Variants in TACR3 observed in about 807,000 individuals in gnomAD.
TACR3 encodes the protein neuromedin-K receptor.
A neutral mutation model predicts 35.0 loss-of-function variants in TACR3; 34 were observed. The observed-to-expected ratio is 0.97, with a 90% CI of 0.74 to 1.30. TACR3 has a LOEUF of 1.30. Ranked by LOEUF, TACR3 falls within the 50% of genes most tolerant of loss-of-function variation. The probability of loss-of-function intolerance (pLI) is 0.00; values close to 1 mark genes in which losing one functional copy is unlikely to be tolerated. For synonymous variants in TACR3, 233 were observed against 221.1 expected, an observed-to-expected ratio of 1.05 and a Z score of -0.48; for missense variants, 558 against 591.7, an observed-to-expected ratio of 0.94 and a Z score of 0.59.
rs1723169702 is a variant in TACR3, at chr4:103,719,634, A to AC, written c.41dup (p.Gly15TrpfsTer24). The AC allele has an allele frequency of 1.2e-6, 2 of 1,613,156 alleles. No individual in the cohort carries two copies. The highest frequency in any genetic ancestry group is 2.7e-5 in the African/African-American group (2 of 74,848). ...TCACGGCGTCTGCACCCACGCCTCC[A>AC]CCCCCGTCTATCCAGGTTTCTGCTG... On this transcript the variant is annotated frameshift_variant, in exon 1 of 5. Transcript: ENST00000304883. LOFTEE classifies it high-confidence loss of function.
In TACR3 at chr4:103,597,597, CT is replaced by C. The variant is rs1429155717; in HGVS notation, c.889-5915del. Among the ~76,000 whole-genome samples, 314 of 151,974 alleles carry C rather than the reference CT, an allele frequency of 2.1e-3. 1 individual carries two copies. The highest frequency in any genetic ancestry group is 0.017 in the Middle Eastern group (5 of 290). ...TTAGGTACATCTCCTAATGCTATCCCTCCCCCGTCCCCCCACCCCACAAGAG... is the reference window on the plus strand; with the variant it reads ...TTAGGTACATCTCCTAATGCTATCCCCCCCCGTCCCCCCACCCCACAAGAG... On this transcript the variant is annotated intron_variant, in intron 3 of 4. Coordinates refer to ENST00000304883, the MANE Select transcript of TACR3 (RefSeq NM_001059.3).
chr4:103,694,595 C>G (rs1462702509), intron 1 of TACR3, among the ~76,000 whole-genome samples: 2 of 152,144 alleles, frequency 1.3e-5, no homozygotes, highest in African/African-American at 4.8e-5. Flanking sequence ...AGATTAAAGT[C>G]ACTTTCCTTC....
At chr4:103,671,354 G>A (rs187355283) in intron 1 of TACR3, among the ~76,000 whole-genome samples, 387 of 152,102 alleles carry the variant, frequency 2.5e-3, no homozygotes, top group Non-Finnish European at 4.5e-3. Flanking sequence ...AATAGTATGA[G>A]TAGGATTGGT....
chr4:103,604,292 G>T (rs1166136429), intron 3 of TACR3, among the ~76,000 whole-genome samples: 1 of 152,154 alleles, frequency 6.6e-6, no homozygotes, highest in Non-Finnish European at 1.5e-5. Context: ...AATGGGGAAA[G>T]GATTCCCTAT....
intron 3 of TACR3, among the ~76,000 whole-genome samples, chr4:103,638,073 G>A (rs987673863): frequency 3.9e-5 from 6 of 152,108 alleles, no homozygotes; most frequent in African/African-American, 1.4e-4. Context: ...TTTCTTCACA[G>A]AATTGGAAAA....
intron 3 of TACR3, among the ~76,000 whole-genome samples, chr4:103,648,299 C>G (rs1389625906): frequency 6.6e-6 from 1 of 151,532 alleles, no homozygotes; most frequent in Non-Finnish European, 1.5e-5. Flanking sequence ...TCTAATTATA[C>G]TTTTTTAGTA....
chr4:103,710,625 A>G (rs930626007), intron 1 of TACR3, among the ~76,000 whole-genome samples: 2 of 152,230 alleles, frequency 1.3e-5, no homozygotes, highest in South Asian at 4.1e-4. Context: ...AGCAGAAGGC[A>G]AGAAAAAACT....
At chr4:103,657,082 G>A (rs1371275890) in intron 2 of TACR3, among the ~76,000 whole-genome samples, 17 of 152,016 alleles carry the variant, frequency 1.1e-4, no homozygotes, top group Admixed American at 8.5e-4. Context: ...TTCAATTAGC[G>A]AGGAAAAGGA....
intron 4 of TACR3, 168 bp downstream of exon 4, chr4:103,591,319 G>T: frequency 1.4e-6 from 1 of 719,252 alleles, no homozygotes; most frequent in Non-Finnish European, 2.4e-6. Context: ...GCTTTATAAA[G>T]TGTGTATGGG....
At chr4:103,625,479 G>A (rs1724868633) in intron 3 of TACR3, among the ~76,000 whole-genome samples, 1 of 151,758 alleles carries the variant, frequency 6.6e-6, no homozygotes, top group African/African-American at 2.4e-5. Context: ...AAGTAGGGAT[G>A]AACAAAAGGA....
intron 3 of TACR3, among the ~76,000 whole-genome samples, chr4:103,642,021 A>G (rs979362789): frequency 2.6e-5 from 4 of 151,910 alleles, no homozygotes; most frequent in African/African-American, 9.7e-5. Context: ...TCAGTTAGAC[A>G]GGTGATACTA....
rs568167785 is a variant in TACR3, at chr4:103,697,438, A to G, written c.548+21690T>C. Among the ~76,000 whole-genome samples, 20 of 137,430 alleles carry G rather than the reference A, an allele frequency of 1.5e-4. No individual in the cohort carries two copies. In the South Asian group the frequency reaches 4.3e-3, roughly 30 times the overall value. 90.2% of individuals were successfully genotyped at this position (137,430 alleles called of 152,430 possible). Reference sequence around the variant, plus strand: ...TATTTATTTATTTATTTATTTATTTATTTTGAGACGGAGTCTCCTTCTGTT... The same window carrying G: ...TATTTATTTATTTATTTATTTATTTGTTTTGAGACGGAGTCTCCTTCTGTT... On this transcript the variant is annotated intron_variant, in intron 1 of 4. Coordinates refer to ENST00000304883, the MANE Select transcript of TACR3 (RefSeq NM_001059.3).
chr4:103,601,114 G>A (rs1362685381), intron 3 of TACR3, among the ~76,000 whole-genome samples: 3 of 152,098 alleles, frequency 2.0e-5, no homozygotes, highest in African/African-American at 7.2e-5. Flanking sequence ...TGGTCGCTAA[G>A]GACTTGCTTT....
chr4:103,714,030 G>T (rs1019790483), intron 1 of TACR3, among the ~76,000 whole-genome samples: 2 of 152,108 alleles, frequency 1.3e-5, no homozygotes, highest in Non-Finnish European at 2.9e-5. Flanking sequence ...AGAGCAAATA[G>T]CACATAAGGA....
intron 1 of TACR3, among the ~76,000 whole-genome samples, chr4:103,676,710 A>C (rs1406691785): frequency 1.3e-5 from 2 of 152,318 alleles, no homozygotes; most frequent in East Asian, 3.9e-4. Context: ...CATATACAAA[A>C]ATTAATCAAG....
chr4:103,594,397 C>CA (rs1479802088), intron 3 of TACR3, among the ~76,000 whole-genome samples: 1 of 152,094 alleles, frequency 6.6e-6, no homozygotes, highest in East Asian at 1.9e-4. Context: ...AGGCTTGTCT[C>CA]AAACTCCTGA....
At chr4:103,664,352 T>C (rs963374892) in intron 1 of TACR3, among the ~76,000 whole-genome samples, 1 of 152,172 alleles carries the variant, frequency 6.6e-6, no homozygotes, top group Admixed American at 6.5e-5. Context: ...AATTTTGTAA[T>C]TGTTATTTGT....
chr4:103,635,628 G>A (rs570991455), intron 3 of TACR3, among the ~76,000 whole-genome samples: 1 of 151,972 alleles, frequency 6.6e-6, no homozygotes, highest in African/African-American at 2.4e-5. Flanking sequence ...TGTGAGCTTA[G>A]CCAACTAATA....
In TACR3 at chr4:103,591,294, T is replaced by C. The variant is rs6847994; in HGVS notation, c.1085+193A>G. The C allele has an allele frequency of 0.012, 7,331 of 633,612 alleles. 435 individuals carry two copies. In the African/African-American group the frequency reaches 0.12, roughly 10 times the overall value. 39.2% of individuals were successfully genotyped at this position (633,612 alleles called of 1,614,324 possible). On this transcript the variant is annotated intron_variant, in intron 4 of 4. Transcript: ENST00000304883. The stretch of plus-strand genomic sequence containing the variant: ...CAAGATCATTATTTGGGGCATCTAA[T>C]TATTAATGTGGGATGCTTTATAAAG...
Sources: gnomAD v4.1 joint callset for allele counts (sites outside exome capture counted in the v4.1 genomes callset) on GRCh38, gnomAD v4.1.1 for gene constraint, MANE v1.5 for transcripts, NCBI Gene and HGNC (gene_info 2026-07-23, HGNC 2026-07-21) for gene names.